TFCP2: variants seen among roughly 807,000 people sequenced by gnomAD.
The protein encoded by TFCP2 is alpha-globin transcription factor CP2.
Under a neutral mutation model 73.4 loss-of-function variants are expected in TFCP2, and 33 were observed. That is an observed-to-expected ratio of 0.45 (90% CI 0.34 to 0.60). The LOEUF (loss-of-function observed/expected upper bound fraction) is 0.60, where lower values mean the gene tolerates loss of function less well. Among genes scored for constraint, TFCP2 ranks in the 20% least tolerant of loss-of-function variants. The pLI is 0.01. For synonymous variants in TFCP2, 193 were observed against 211.6 expected, an observed-to-expected ratio of 0.91 and a Z score of 0.76; for missense variants, 352 against 604.0, an observed-to-expected ratio of 0.58 and a Z score of 4.37.
In TFCP2 at chr12:51,117,664, G is replaced by A. The variant is rs181670581; in HGVS notation, c.351+7C>T. The A allele has an allele frequency of 1.5e-4, 238 of 1,604,168 alleles. 1 individual carries two copies. The highest frequency in any genetic ancestry group is 2.5e-4 in the African/African-American group (19 of 74,784). On this transcript the variant is annotated splice_region_variant and intron_variant, in intron 3 of 14. Transcript: ENST00000257915. ...TATTGTACAGAAGAATGATTTATTC[G>A]TTTTACCTTCACCAATTTGCCATTA...
chr12:51,165,876 T>C (rs1941748185), intron 1 of TFCP2, among the ~76,000 whole-genome samples: 2 of 152,346 alleles, frequency 1.3e-5, no homozygotes, highest in African/African-American at 4.8e-5. Context: ...GAGTAGGGCA[T>C]GGTGGCACAT....
chr12:51,167,035 C>G (rs1185944881), intron 1 of TFCP2, among the ~76,000 whole-genome samples: 1 of 152,192 alleles, frequency 6.6e-6, no homozygotes, highest in Non-Finnish European at 1.5e-5. Context: ...CTCTACAGAT[C>G]TGCCCATTCT....
At chr12:51,167,038 C>T (rs1235529839) in intron 1 of TFCP2, among the ~76,000 whole-genome samples, 1 of 152,160 alleles carries the variant, frequency 6.6e-6, no homozygotes, top group Non-Finnish European at 1.5e-5. Context: ...TACAGATCTG[C>T]CCATTCTAGA....
rs1237811813 is a variant in TFCP2, at chr12:51,156,493, CA to C, written c.122+15807del. ...CTTCCCACTAGGCCCCACCCACCTC[CA>C]ACACTGCAGATCAAATCTCAACTTG... On this transcript the variant is annotated intron_variant, in intron 1 of 14. Transcript: ENST00000257915. Among the ~76,000 whole-genome samples, 3 of 152,166 alleles carry C rather than the reference CA, an allele frequency of 2.0e-5. No homozygotes were observed. In the East Asian group the frequency reaches 5.8e-4, roughly 29 times the overall value.
At chr12:51,161,778 A>C (rs923411274) in intron 1 of TFCP2, among the ~76,000 whole-genome samples, 2 of 148,896 alleles carry the variant, frequency 1.3e-5, no homozygotes, top group Non-Finnish European at 3.0e-5. Context: ...AAAAAAAAAA[A>C]AAAAAGAAAT....
chr12:51,158,616 G>A (rs895625864), intron 1 of TFCP2, among the ~76,000 whole-genome samples: 6 of 151,636 alleles, frequency 4.0e-5, no homozygotes. Flanking sequence ...GGCCTCCCGA[G>A]TAGCTGGGAC....
At chr12:51,101,892 T>A in intron 11 of TFCP2, 43 bp downstream of exon 11, 1 of 1,311,136 alleles carries the variant, frequency 7.6e-7, no homozygotes, top group African/African-American at 1.5e-5. Flanking sequence ...CCAAATCCAT[T>A]TGGAATCCCA....
intron 1 of TFCP2, among the ~76,000 whole-genome samples, chr12:51,134,276 G>C (rs1941014641): frequency 6.6e-6 from 1 of 152,050 alleles, no homozygotes; most frequent in Non-Finnish European, 1.5e-5. Flanking sequence ...ACTAATTTTG[G>C]TATTTTTTCT....
At chr12:51,097,573 A>AT (rs879506566) in intron 13 of TFCP2, among the ~76,000 whole-genome samples, 3 of 152,140 alleles carry the variant, frequency 2.0e-5, no homozygotes, top group Non-Finnish European at 4.4e-5. Flanking sequence ...ATAATTACTT[A>AT]TTAAAACATG....
At chr12:51,157,686 CTT>C (rs538061913) in intron 1 of TFCP2, among the ~76,000 whole-genome samples, 38 of 96,086 alleles carry the variant, frequency 4.0e-4, no homozygotes, top group African/African-American at 1.3e-3. Context: ...CTTTTCTTTT[CTT>C]TTTTTTTTTT....
Position 51,136,265 on chromosome 12 carries a change from C to T in TFCP2, c.123-17493G>A, listed in dbSNP as rs1268616938. Among the ~76,000 whole-genome samples, 7 of 147,694 alleles carry T rather than the reference C, an allele frequency of 4.7e-5. No individual in the cohort carries two copies. In the East Asian group the frequency reaches 1.2e-3, roughly 25 times the overall value. On this transcript the variant is annotated intron_variant, in intron 1 of 14. Transcript: ENST00000257915. ...TGGAGGTTGCAGTGAGCTGAGATCG[C>T]GCCATTGCACTCCAGCCAACAGTGT...
intron 1 of TFCP2, among the ~76,000 whole-genome samples, chr12:51,145,393 A>AAATAC (rs1566224480): frequency 7.6e-5 from 11 of 144,160 alleles, no homozygotes; most frequent in African/African-American, 5.0e-5. Context: ...GAAAAAAAAA[A>AAATAC]AAATACAAAT....
intron 2 of TFCP2, 22 bp downstream of exon 2, chr12:51,118,599 A>C (rs1360150448): frequency 1.2e-6 from 2 of 1,611,834 alleles, no homozygotes; most frequent in Middle Eastern, 1.7e-4. Context: ...CAATAGTACT[A>C]ATGAATGAGG....
chr12:51,105,677 T>C (rs1446407589), intron 8 of TFCP2, among the ~76,000 whole-genome samples: 1 of 152,212 alleles, frequency 6.6e-6, no homozygotes, highest in Non-Finnish European at 1.5e-5. Flanking sequence ...TAACTTATCT[T>C]AGGGCCCTAC....
chr12:51,095,722 G>A (rs1939943859), intron 14 of TFCP2, among the ~76,000 whole-genome samples: 1 of 145,990 alleles, frequency 6.8e-6, no homozygotes, highest in South Asian at 2.2e-4. Context: ...GCAGAGGGAG[G>A]AGAATCACTT....
In TFCP2 at chr12:51,095,152, C is replaced by T; in HGVS notation, c.*89G>A. 1 of 1,419,364 alleles carries T rather than the reference C, an allele frequency of 7.0e-7. No homozygotes were observed. Among genetic ancestry groups the T allele is most frequent in the Non-Finnish European group, 1.0e-6 (1 of 1,002,802 alleles). The allele number at this position is 1,419,364 out of a possible 1,614,324, so 87.9% of individuals were successfully genotyped here. On this transcript the variant is annotated 3_prime_UTR_variant, in exon 15 of 15. Transcript: ENST00000257915. ...GTCAGACGAGTCAGGTTCTTGCAGA[C>T]CTTCAAATCTCCATTCATATCCCCC... is the stretch of plus-strand genomic sequence containing the variant.
chr12:51,103,858 T>C, intron 9 of TFCP2, 95 bp from the exon 10 acceptor site: 1 of 979,018 alleles, frequency 1.0e-6, no homozygotes, highest in South Asian at 1.4e-5. Context: ...AACCCCATAC[T>C]CAGGCCTAGT....
At chr12:51,153,095 T>C (rs1469525115) in intron 1 of TFCP2, among the ~76,000 whole-genome samples, 1 of 152,254 alleles carries the variant, frequency 6.6e-6, no homozygotes, top group East Asian at 1.9e-4. Flanking sequence ...AATACAGTGT[T>C]GGCTGGGCAC....
At chr12:51,098,622 T>A (rs1394633506) in intron 13 of TFCP2, among the ~76,000 whole-genome samples, 154 bp downstream of exon 13, 2 of 148,838 alleles carry the variant, frequency 1.3e-5, no homozygotes, top group Non-Finnish European at 3.0e-5. Flanking sequence ...AGAGACTGTT[T>A]CAAAAAAAAA....
Sources: gnomAD v4.1 joint callset for allele counts (sites outside exome capture counted in the v4.1 genomes callset) on GRCh38, gnomAD v4.1.1 for gene constraint, MANE v1.5 for transcripts, NCBI Gene and HGNC (gene_info 2026-07-23, HGNC 2026-07-21) for gene names.